EIF4G3: variants seen among roughly 807,000 people sequenced by gnomAD.
EIF4G3 encodes eukaryotic translation initiation factor 4 gamma 3.
Under a neutral mutation model 186.4 loss-of-function variants are expected in EIF4G3, and 34 were observed. That is an observed-to-expected ratio of 0.18 (90% CI 0.14 to 0.24). The LOEUF (loss-of-function observed/expected upper bound fraction) is 0.24. Among genes scored for constraint, EIF4G3 ranks in the 10% least tolerant of loss-of-function variants. The pLI, the probability that EIF4G3 is intolerant of heterozygous loss-of-function variation, is 1.00. For missense variants in EIF4G3, 1,536 were observed against 1,948.5 expected, an observed-to-expected ratio of 0.79 and a Z score of 3.99; for synonymous variants, 673 against 679.5, an observed-to-expected ratio of 0.99 and a Z score of 0.15.
At chr1:20,815,649 T>TCG (rs1269141533) in intron 34 of EIF4G3, among the ~76,000 whole-genome samples, 7 of 127,308 alleles carry the variant, frequency 5.5e-5, no homozygotes, top group African/African-American at 2.1e-4. Flanking sequence ...GGGAGGGAGG[T>TCG]GGGGGGGGGT....
intron 20 of EIF4G3, among the ~76,000 whole-genome samples, chr1:20,878,322 A>G (rs886403062): frequency 2.6e-5 from 4 of 152,170 alleles, no homozygotes; most frequent in African/African-American, 9.7e-5. Context: ...TATTTGCTTT[A>G]TAAAAGTTTT....
rs751920027 is a variant in EIF4G3 at position 20,941,589 on chromosome 1, G to T, written c.1565C>A (p.Ala522Glu). Residue 522 changes from alanine (A) to glutamate (E), a missense_variant, in exon 14 of 37, where the codon GCA (alanine) becomes GAA (glutamate). Coordinates refer to ENST00000602326, the MANE Select transcript of EIF4G3 (RefSeq NM_001391906.1). ...CTCTATTTTGTTCTGAATCTCTTTTGCATCTTCACTAAGGCAAGTTCTTAT... is the reference window on the plus strand; with the variant it reads ...CTCTATTTTGTTCTGAATCTCTTTTTCATCTTCACTAAGGCAAGTTCTTAT... The part of the protein sequence containing the change: ...ESIRTCLSED[A>E]KEIQNKIEVE... 2.6e-5 allele frequency: 42 copies of T among 1,614,104 alleles called. No homozygotes were observed. The East Asian group carries it at 9.1e-4, about 35-fold the overall frequency.
At chr1:21,058,130 A>G (rs2094653581) in intron 3 of EIF4G3, among the ~76,000 whole-genome samples, 1 of 152,230 alleles carries the variant, frequency 6.6e-6, no homozygotes, top group Admixed American at 6.5e-5. Flanking sequence ...TATGGAAAAC[A>G]AAGTTTCCTT....
At chr1:21,014,280 AG>A (rs2088153925) in intron 4 of EIF4G3, among the ~76,000 whole-genome samples, 1 of 152,246 alleles carries the variant, frequency 6.6e-6, no homozygotes. Flanking sequence ...CCAGTTCAAA[AG>A]TTAAAGACAA....
chr1:21,118,859 G>A (rs2096876377), intron 2 of EIF4G3, among the ~76,000 whole-genome samples: 1 of 144,972 alleles, frequency 6.9e-6, no homozygotes, highest in Non-Finnish European at 1.5e-5. Context: ...CCAGCTATAG[G>A]TGCACCAGGA....
intron 12 of EIF4G3, among the ~76,000 whole-genome samples, chr1:20,969,248 T>C (rs2075338710): frequency 2.0e-5 from 3 of 152,220 alleles, no homozygotes; most frequent in Admixed American, 2.0e-4. Flanking sequence ...ACCTCACCTG[T>C]GCTCTGATTG....
At chr1:21,121,718 T>C (rs568060271) in intron 2 of EIF4G3, among the ~76,000 whole-genome samples, 1 of 149,482 alleles carries the variant, frequency 6.7e-6, no homozygotes, top group South Asian at 2.1e-4. Flanking sequence ...GAGGTTGCAG[T>C]GAGCCAAGAT....
At chr1:20,821,639 G>T (rs1227461801) in intron 33 of EIF4G3, among the ~76,000 whole-genome samples, 1 of 150,094 alleles carries the variant, frequency 6.7e-6, no homozygotes, top group African/African-American at 2.5e-5. Flanking sequence ...GTATACTTCT[G>T]TTATGTATAC....
chr1:21,067,026 A>C (rs1372607189), intron 3 of EIF4G3, among the ~76,000 whole-genome samples: 10 of 152,190 alleles, frequency 6.6e-5, no homozygotes, highest in Admixed American at 6.5e-4. Flanking sequence ...AAAGACATTT[A>C]TAACTGGCAT....
At chr1:21,136,883 G>A (rs555203039) in intron 2 of EIF4G3, among the ~76,000 whole-genome samples, 1 of 152,266 alleles carries the variant, frequency 6.6e-6, no homozygotes, top group Admixed American at 6.5e-5. Context: ...TTGAAATCTG[G>A]CTAGTGCAAG....
intron 7 of EIF4G3, among the ~76,000 whole-genome samples, chr1:20,984,407 G>A (rs1470772840): frequency 1.3e-5 from 2 of 151,738 alleles, no homozygotes; most frequent in Admixed American, 6.6e-5. Flanking sequence ...CTTGGGATCC[G>A]CCCACCTTGG....
intron 14 of EIF4G3, among the ~76,000 whole-genome samples, chr1:20,907,846 A>G (rs1406470303): frequency 1.3e-5 from 2 of 152,176 alleles, no homozygotes; most frequent in Non-Finnish European, 2.9e-5. Context: ...TAGTGCTGCT[A>G]TAAACATACA....
At position 20,810,919 on chromosome 1, in the gene EIF4G3, A is replaced by G. The variant is rs755142567; in HGVS notation, c.4598-35T>C. 6.3e-7 allele frequency: 1 copy of G among 1,584,508 alleles called. No homozygotes were observed. The highest frequency in any genetic ancestry group is 1.7e-5 in the Admixed American group (1 of 57,428). ...ATAGAAGAACTAGGAATTACATTTA[A>G]GGAGTTAACATAGAATTATCTTTAA... On this transcript the variant is annotated intron_variant, in intron 35 of 36. Transcript: ENST00000602326. This position sits in a 1 kb window ranked among gnomAD's most constrained non-coding sequence, Gnocchi z 4.1.
intron 35 of EIF4G3, 139 bp from the exon 36 acceptor site, chr1:20,811,023 C>T: frequency 8.0e-6 from 6 of 750,372 alleles, no homozygotes; most frequent in Non-Finnish European, 1.2e-5. Context: ...AATCTAAGCT[C>T]ACTGCAACCT....
chr1:20,946,874 G>A (rs1255769998), intron 13 of EIF4G3, among the ~76,000 whole-genome samples: 3 of 151,996 alleles, frequency 2.0e-5, no homozygotes, highest in Non-Finnish European at 4.4e-5. Flanking sequence ...GGAGACTTTA[G>A]AGTTAACATG....
At chr1:21,123,279 G>A (rs370301139) in intron 2 of EIF4G3, among the ~76,000 whole-genome samples, 1 of 151,914 alleles carries the variant, frequency 6.6e-6, no homozygotes, top group Non-Finnish European at 1.5e-5. Context: ...CTAAAGTTCA[G>A]AGGCCAGATG....
chr1:20,817,446 C>T lies in EIF4G3; in HGVS notation c.4461G>A (p.Glu1487=). 2 of 1,609,668 alleles carry T rather than the reference C, an allele frequency of 1.2e-6. No individual in the cohort carries two copies. Among genetic ancestry groups the T allele is most frequent in the East Asian group, 2.2e-5 (1 of 44,742 alleles). ...LSAEELYKRL[E]KLIIEDKAND... is the part of the protein sequence containing the mutation. ...TCGCTTTGTCCTCAATAATGAGTTT[C>T]TCGAGTCGCTTATACAGCTCTTCGG... The change falls in exon 34 of 37, where the codon GAG becomes GAA. Residue 1487 remains glutamate, a synonymous_variant. Coordinates refer to ENST00000602326, the MANE Select transcript of EIF4G3 (RefSeq NM_001391906.1).
intron 4 of EIF4G3, among the ~76,000 whole-genome samples, 179 bp from the exon 5 acceptor site, chr1:21,002,987 TTTC>T (rs1242384737): frequency 7.9e-5 from 9 of 113,458 alleles, no homozygotes; most frequent in Middle Eastern, 5.3e-3. Flanking sequence ...GTTCCTTTTC[TTTC>T]TTTTTTTTTT....
intron 19 of EIF4G3, among the ~76,000 whole-genome samples, chr1:20,880,046 G>C (rs1245130460): frequency 6.6e-6 from 1 of 150,772 alleles, no homozygotes; most frequent in Non-Finnish European, 1.5e-5. Context: ...AGGAATAGAA[G>C]AGATCTTCCT....
Sources: allele counts gnomAD v4.1 joint callset (sites outside exome capture counted in the v4.1 genomes callset), GRCh38; gene constraint gnomAD v4.1.1; non-coding constraint Gnocchi (gnomAD v3.1); transcripts MANE v1.5; gene names NCBI Gene and HGNC (gene_info 2026-07-23, HGNC 2026-07-21).